ANKRD30BL: variants seen among roughly 807,000 people sequenced by gnomAD.
ANKRD30BL encodes putative ankyrin repeat domain-containing protein 30B-like.
A neutral mutation model predicts 18.4 loss-of-function variants in ANKRD30BL; 20 were observed. The ratio of observed to expected loss-of-function variants is 1.09; its 90% CI spans 0.77 to 1.58. The LOEUF is 1.58. ANKRD30BL is among the 40% of genes most tolerant of loss of function. The pLI, the probability that ANKRD30BL is intolerant of heterozygous loss-of-function variation, is 0.00. For synonymous variants in ANKRD30BL, 72 were observed against 100.9 expected, an observed-to-expected ratio of 0.71 and a Z score of 1.72; for missense variants, 224 against 268.6, an observed-to-expected ratio of 0.83 and a Z score of 1.16.
At chr2:132,175,527 A>G (rs1261601493) in intron 1 of ANKRD30BL, among the ~76,000 whole-genome samples, 5 of 152,238 alleles carry the variant, frequency 3.3e-5, no homozygotes, top group Admixed American at 3.3e-4. Flanking sequence ...GGCAGGAGAC[A>G]GTGGCCTTCC....
chr2:132,232,147 A>T lies in ANKRD30BL; in HGVS notation n.441+25382T>A, dbSNP rs189253113. 4.0e-3 allele frequency among the ~76,000 whole-genome samples: 602 copies of T among 152,328 alleles called. 1 individual carries two copies. The highest frequency in any genetic ancestry group is 6.1e-3 in the Non-Finnish European group (416 of 68,032). ...GTCCTGTCTGTTAGAAGGAAAACTA[A>T]CAAACAGAAAGGACATCCACAACAA... On this transcript the variant is annotated intron_variant and non_coding_transcript_variant, in intron 1 of 4. Transcript: ENST00000470729.
Position 132,198,342 on chromosome 2 carries a change from TA to T in ANKRD30BL, n.442-41197del, listed in dbSNP as rs1258656167. Among the ~76,000 whole-genome samples the T allele has an allele frequency of 1.8e-3, 205 of 113,168 alleles. 9 individuals are homozygous for T. The highest frequency in any genetic ancestry group is 8.8e-3 in the African/African-American group (186 of 21,186). The allele number at this position is 113,168 out of a possible 152,430, so 74.2% of individuals were successfully genotyped here. The stretch of plus-strand genomic sequence containing the variant: ...TTTCTTTCTTTTTTTTTTTTTTTTT[TA>T]GACAGAGTCTCCCTCTGTCGCCCAG... On this transcript the variant is annotated intron_variant and non_coding_transcript_variant, in intron 1 of 4. Coordinates refer to the ANKRD30BL transcript ENST00000470729.
At chr2:132,221,956 G>C (rs1297101717) in intron 1 of ANKRD30BL, among the ~76,000 whole-genome samples, 1 of 135,006 alleles carries the variant, frequency 7.4e-6, no homozygotes, top group African/African-American at 3.1e-5. Context: ...GCCCCGTCCG[G>C]GAGGTGAGGG....
rs186901512 is a variant in ANKRD30BL, at chr2:132,220,948, G to A, written n.441+36581C>T. Among the ~76,000 whole-genome samples the A allele has an allele frequency of 8.1e-3, 1,226 of 151,554 alleles. 9 individuals carry two copies. The highest frequency in any genetic ancestry group is 0.028 in the African/African-American group (1,142 of 41,296). ...CTCTTCCCGGCCGCCATCCCATCTA[G>A]GAAGTGAGGAGCGTCTCTGCCCGGC... On this transcript the variant is annotated intron_variant and non_coding_transcript_variant, in intron 1 of 4. Coordinates refer to the ANKRD30BL transcript ENST00000470729.
At chr2:132,169,457 G>A (rs1286312501) in intron 1 of ANKRD30BL, among the ~76,000 whole-genome samples, 2 of 152,164 alleles carry the variant, frequency 1.3e-5, no homozygotes, top group Admixed American at 6.5e-5. Flanking sequence ...GACCATCATG[G>A]CCACCATGGT....
chr2:132,254,759 C>T (rs1680774582), intron 1 of ANKRD30BL, among the ~76,000 whole-genome samples: 1 of 152,328 alleles, frequency 6.6e-6, no homozygotes, highest in Non-Finnish European at 1.5e-5. Flanking sequence ...CCACTTGTCC[C>T]TCTAAGAAGT....
At chr2:132,238,235 T>A (rs56862751) in intron 1 of ANKRD30BL, among the ~76,000 whole-genome samples, 8,470 of 152,064 alleles carry the variant, frequency 0.056, 291 homozygotes, top group South Asian at 0.12. Flanking sequence ...TATGAAAGAC[T>A]CTTCTTATAG....
intron 1 of ANKRD30BL, among the ~76,000 whole-genome samples, chr2:132,199,996 G>A (rs1679062660): frequency 6.6e-6 from 1 of 152,144 alleles, no homozygotes; most frequent in Non-Finnish European, 1.5e-5. Flanking sequence ...TGGGATGCAA[G>A]GCTGGTTCAA....
intron 1 of ANKRD30BL, among the ~76,000 whole-genome samples, chr2:132,215,635 T>G (rs562279312): frequency 6.6e-6 from 1 of 152,124 alleles, no homozygotes; most frequent in Admixed American, 6.6e-5. Context: ...GCTCTCCTTT[T>G]GTAGCATCTG....
chr2:132,232,408 G>T (rs190841316), intron 1 of ANKRD30BL, among the ~76,000 whole-genome samples: 3 of 152,198 alleles, frequency 2.0e-5, no homozygotes, highest in South Asian at 4.1e-4. Flanking sequence ...GGACATTCAA[G>T]CCAAAGGCAA....
intron 1 of ANKRD30BL, among the ~76,000 whole-genome samples, chr2:132,230,467 A>T (rs538383765): frequency 6.6e-6 from 1 of 152,164 alleles, no homozygotes; most frequent in African/African-American, 2.4e-5. Flanking sequence ...GTTGAAAAGG[A>T]AATATCTTCC....
At chr2:132,255,924 G>A (rs1336541928) in intron 1 of ANKRD30BL, among the ~76,000 whole-genome samples, 6 of 152,054 alleles carry the variant, frequency 3.9e-5, no homozygotes, top group Non-Finnish European at 8.8e-5. Flanking sequence ...GGCGGCACCC[G>A]ACCCCCCGGC....
At chr2:132,211,994 T>C (rs953125007) in intron 1 of ANKRD30BL, among the ~76,000 whole-genome samples, 1 of 151,902 alleles carries the variant, frequency 6.6e-6, no homozygotes, top group Non-Finnish European at 1.5e-5. Flanking sequence ...TGCTTTAGAT[T>C]GAGCAGTTTG....
chr2:132,191,890 C>T (rs1024704548), intron 1 of ANKRD30BL, among the ~76,000 whole-genome samples: 26 of 152,022 alleles, frequency 1.7e-4, no homozygotes, highest in Non-Finnish European at 3.2e-4. Flanking sequence ...TACAGGCTCT[C>T]ACCACCACGC....
At chr2:132,218,440 A>T (rs1267371522) in intron 1 of ANKRD30BL, among the ~76,000 whole-genome samples, 2 of 151,146 alleles carry the variant, frequency 1.3e-5, no homozygotes, top group Admixed American at 6.6e-5. Flanking sequence ...TTTGAGGCCT[A>T]TGGTGGAAAA....
intron 1 of ANKRD30BL, among the ~76,000 whole-genome samples, chr2:132,160,320 T>C (rs1041897957): frequency 6.6e-6 from 1 of 151,568 alleles, no homozygotes; most frequent in Non-Finnish European, 1.5e-5. Context: ...AGGCTAGTCT[T>C]GAAATCCTGA....
intron 1 of ANKRD30BL, among the ~76,000 whole-genome samples, chr2:132,237,181 C>T (rs1356194561): frequency 2.6e-5 from 4 of 151,866 alleles, no homozygotes; most frequent in Non-Finnish European, 4.4e-5. Context: ...TGCTAGAAGA[C>T]GAGTTAGTGG....
intron 1 of ANKRD30BL, among the ~76,000 whole-genome samples, chr2:132,199,073 T>A (rs1416767507): frequency 6.6e-6 from 1 of 152,184 alleles, no homozygotes; most frequent in Non-Finnish European, 1.5e-5. Flanking sequence ...AGCTAGCAGC[T>A]GGGTGCAGTG....
intron 1 of ANKRD30BL, among the ~76,000 whole-genome samples, chr2:132,175,787 C>G (rs1314455373): frequency 1.2e-4 from 18 of 152,214 alleles, no homozygotes; most frequent in African/African-American, 4.1e-4. Context: ...AAGCATACTA[C>G]TTGTAAACAT....
Sources: allele counts gnomAD v4.1 joint callset (sites outside exome capture counted in the v4.1 genomes callset), GRCh38; gene constraint gnomAD v4.1.1; transcripts MANE v1.5; gene names NCBI Gene and HGNC (gene_info 2026-07-23, HGNC 2026-07-21).